MAD1L1: variants seen among roughly 807,000 people sequenced by gnomAD.
The protein encoded by MAD1L1 is mitotic spindle assembly checkpoint protein MAD1.
In MAD1L1, 95 loss-of-function variants were observed where a neutral mutation model predicts 96.9. The observed-to-expected ratio is 0.98, with a 90% CI of 0.83 to 1.16. The LOEUF (loss-of-function observed/expected upper bound fraction) is 1.16. Ranked by LOEUF, MAD1L1 falls within the 50% of genes most tolerant of loss-of-function variation. The pLI is 0.00. For synonymous variants in MAD1L1, 473 were observed against 396.6 expected, an observed-to-expected ratio of 1.19 and a Z score of -2.29; for missense variants, 1,007 against 954.4, an observed-to-expected ratio of 1.06 and a Z score of -0.73.
intron 10 of MAD1L1, among the ~76,000 whole-genome samples, chr7:2,191,329 TC>T (rs1299020816): frequency 6.6e-6 from 1 of 152,190 alleles, no homozygotes; most frequent in African/African-American, 2.4e-5. Flanking sequence ...CAAACAGCCC[TC>T]CTGGAAAAGT....
At position 1,956,636 on chromosome 7, in the gene MAD1L1, C is replaced by T. The variant is rs544234466; in HGVS notation, c.1596+993G>A. On this transcript the variant is annotated intron_variant, in intron 16 of 18. Coordinates refer to ENST00000265854, the MANE Select transcript of MAD1L1 (RefSeq NM_001013836.2). ...GAGCTCAGGAGAGGGTCACAGGTGA[C>T]ACTGCCAGCCACTCCTCATGCCAAC... Among the ~76,000 whole-genome samples, 4 of 8,606 alleles carry T rather than the reference C, an allele frequency of 4.6e-4. No homozygotes were observed. In the South Asian group the frequency reaches 0.22, roughly 478 times the overall value. The allele number at this position is 8,606 out of a possible 152,430, so 5.6% of individuals were successfully genotyped here.
chr7:2,203,038 C>T (rs1792396853), intron 10 of MAD1L1, among the ~76,000 whole-genome samples: 1 of 152,242 alleles, frequency 6.6e-6, no homozygotes, highest in Admixed American at 6.5e-5. Context: ...CTCCCACCTC[C>T]CCAGCCCAGC....
At chr7:2,041,061 C>T (rs1783651700) in intron 12 of MAD1L1, among the ~76,000 whole-genome samples, 1 of 152,200 alleles carries the variant, frequency 6.6e-6, no homozygotes, top group African/African-American at 2.4e-5. Flanking sequence ...CACTGAGACA[C>T]CGCCCACCAC....
chr7:1,851,526 G>A (rs1175709108), intron 18 of MAD1L1, among the ~76,000 whole-genome samples: 3 of 152,180 alleles, frequency 2.0e-5, no homozygotes, highest in East Asian at 1.9e-4. Context: ...GAATCTGCTC[G>A]GGGCCCCGGG....
chr7:1,824,420 CG>C (rs1322516759), intron 18 of MAD1L1, among the ~76,000 whole-genome samples: 4 of 152,182 alleles, frequency 2.6e-5, no homozygotes, highest in Non-Finnish European at 4.4e-5. Flanking sequence ...GTAAAATCAC[CG>C]GGCTCAGGGG....
At chr7:1,863,173 C>T (rs1784612247) in intron 18 of MAD1L1, among the ~76,000 whole-genome samples, 1 of 152,284 alleles carries the variant, frequency 6.6e-6, no homozygotes, top group South Asian at 2.1e-4. Context: ...GAGGCCGCCT[C>T]AGCACGGGCT....
chr7:2,093,964 C>G (rs1786346839), intron 11 of MAD1L1, among the ~76,000 whole-genome samples: 1 of 152,218 alleles, frequency 6.6e-6, no homozygotes, highest in Non-Finnish European at 1.5e-5. Context: ...AGGGAGAGGA[C>G]AGGAACCTCA....
intron 10 of MAD1L1, among the ~76,000 whole-genome samples, chr7:2,159,638 A>G (rs1339219536): frequency 6.6e-6 from 1 of 152,202 alleles, no homozygotes; most frequent in East Asian, 1.9e-4. Context: ...TAAGAGAATG[A>G]GCAAAAAAAA....
chr7:1,971,906 G>A (rs1780422273), intron 15 of MAD1L1, among the ~76,000 whole-genome samples: 1 of 152,216 alleles, frequency 6.6e-6, no homozygotes, highest in Admixed American at 6.5e-5. Flanking sequence ...GAACTGCAGG[G>A]CTGGCTGGAG....
chr7:1,892,525 A>G (rs1562496900), intron 18 of MAD1L1, among the ~76,000 whole-genome samples: 1 of 152,166 alleles, frequency 6.6e-6, no homozygotes, highest in Non-Finnish European at 1.5e-5. Flanking sequence ...TTCATCCCTA[A>G]TCTGAAAATC....
chr7:1,907,170 A>G (rs915913379), intron 17 of MAD1L1, among the ~76,000 whole-genome samples: 67 of 152,080 alleles, frequency 4.4e-4, no homozygotes, highest in African/African-American at 1.3e-3. Context: ...CCACGCCCCC[A>G]TCCCCACTAT....
intron 11 of MAD1L1, among the ~76,000 whole-genome samples, chr7:2,091,036 G>C (rs1212489937): frequency 6.6e-6 from 1 of 152,126 alleles, no homozygotes; most frequent in Non-Finnish European, 1.5e-5. Context: ...TGACGCGTCG[G>C]GTTATAAGTC....
At chr7:2,140,002 G>GT (rs1788950225) in intron 11 of MAD1L1, among the ~76,000 whole-genome samples, 1 of 129,260 alleles carries the variant, frequency 7.7e-6, no homozygotes, top group Non-Finnish European at 1.6e-5. Context: ...CCCCCCCCCA[G>GT]TCCCTGCCCT....
chr7:2,191,643 A>C (rs759638751), intron 10 of MAD1L1, among the ~76,000 whole-genome samples: 5 of 152,094 alleles, frequency 3.3e-5, no homozygotes, highest in Non-Finnish European at 7.3e-5. Flanking sequence ...AGGTGGGAGA[A>C]TGGCTTGAGC....
chr7:1,962,093 A>G (rs937012959), intron 15 of MAD1L1, among the ~76,000 whole-genome samples: 7 of 152,044 alleles, frequency 4.6e-5, no homozygotes, highest in Admixed American at 3.9e-4. Flanking sequence ...GTGGGAGATA[A>G]TGAATCATAG....
intron 12 of MAD1L1, among the ~76,000 whole-genome samples, chr7:2,020,098 C>T (rs939505142): frequency 3.9e-5 from 6 of 152,220 alleles, no homozygotes; most frequent in Non-Finnish European, 8.8e-5. Flanking sequence ...GCTGCCCTGT[C>T]GCTCAGACCA....
intron 10 of MAD1L1, among the ~76,000 whole-genome samples, chr7:2,169,452 TCTTTA>T (rs1562750410): frequency 6.6e-6 from 1 of 152,206 alleles, no homozygotes; most frequent in Non-Finnish European, 1.5e-5. Context: ...CATAAATTGT[TCTTTA>T]CTTGGAAAAA....
chr7:2,031,448 G>T (rs941563374), intron 12 of MAD1L1, among the ~76,000 whole-genome samples: 1 of 152,240 alleles, frequency 6.6e-6, no homozygotes, highest in African/African-American at 2.4e-5. Flanking sequence ...ATTGTAGGAA[G>T]GAGTGGAATC....
intron 17 of MAD1L1, 39 bp from the exon 18 acceptor site, chr7:1,898,429 A>T: frequency 6.3e-7 from 1 of 1,588,138 alleles, no homozygotes; most frequent in East Asian, 2.2e-5. Flanking sequence ...GTGCGGCACC[A>T]GGCCGGAGGG....
Sources: gnomAD v4.1 joint callset for allele counts (sites outside exome capture counted in the v4.1 genomes callset) on GRCh38, gnomAD v4.1.1 for gene constraint, MANE v1.5 for transcripts, NCBI Gene and HGNC (gene_info 2026-07-23, HGNC 2026-07-21) for gene names.